KIRREL3: variants seen among roughly 807,000 people sequenced by gnomAD.
The protein encoded by KIRREL3 is kin of IRRE-like protein 3.
A neutral mutation model predicts 89.7 loss-of-function variants in KIRREL3; 36 were observed. That is an observed-to-expected ratio of 0.40 (90% CI 0.31 to 0.53). KIRREL3 has a LOEUF of 0.53. Among genes scored for constraint, KIRREL3 ranks in the 20% least tolerant of loss-of-function variants. KIRREL3 has a pLI of 0.49. For synonymous variants in KIRREL3, 445 were observed against 441.4 expected, an observed-to-expected ratio of 1.01 and a Z score of -0.10; for missense variants, 864 against 1,056.6, an observed-to-expected ratio of 0.82 and a Z score of 2.53.
chr11:126,799,358 G>A (rs1478787143), intron 1 of KIRREL3, among the ~76,000 whole-genome samples: 1 of 79,588 alleles, frequency 1.3e-5, no homozygotes, highest in Non-Finnish European at 2.7e-5. Flanking sequence ...ATCTCTGTGT[G>A]TATCTGTGTA....
intron 1 of KIRREL3, among the ~76,000 whole-genome samples, chr11:126,933,402 T>C (rs578248262): frequency 1.3e-5 from 2 of 151,904 alleles, no homozygotes; most frequent in African/African-American, 4.8e-5. Flanking sequence ...CTCCTTCAAG[T>C]CATCACGTTA....
rs371427055 is a variant in KIRREL3, at chr11:126,830,946, C to A, written c.55+169509G>T. Among the ~76,000 whole-genome samples the A allele has an allele frequency of 2.0e-5, 3 of 152,056 alleles. No homozygotes were observed. The highest frequency in any genetic ancestry group is 3.9e-4 in the East Asian group (2 of 5,190). ...TATGCCTTCATTGATGTGAATAATA[C>A]CACCCTGGGCATTACTATCACCCAG... On this transcript the variant is annotated intron_variant, in intron 1 of 16. Coordinates refer to ENST00000525144, the MANE Select transcript of KIRREL3 (RefSeq NM_032531.4). This position sits in a 1 kb window ranked among gnomAD's most constrained non-coding sequence, Gnocchi z 4.9.
At position 126,642,796 on chromosome 11, in the gene KIRREL3, G is replaced by A. The variant is rs889765129; in HGVS notation, c.56-79884C>T. On this transcript the variant is annotated intron_variant, in intron 1 of 16. Coordinates refer to ENST00000525144, the MANE Select transcript of KIRREL3 (RefSeq NM_032531.4). This position sits in a 1 kb window ranked among gnomAD's most constrained non-coding sequence, Gnocchi z 4.9. ...AGAATGTCTTTATGTCCCTTCAAGG[G>A]TTATGATTTTGTATGTGCAAAATTC... Among the ~76,000 whole-genome samples, 3 of 152,164 alleles carry A rather than the reference G, an allele frequency of 2.0e-5. No individual in the cohort carries two copies. The highest frequency in any genetic ancestry group is 4.4e-5 in the Non-Finnish European group (3 of 68,020).
chr11:126,619,423 G>A (rs971052172), intron 1 of KIRREL3, among the ~76,000 whole-genome samples: 3 of 152,234 alleles, frequency 2.0e-5, no homozygotes, highest in East Asian at 1.9e-4. Context: ...TATCCTAAGT[G>A]TGGTGGGATG....
At chr11:126,770,557 C>T (rs1023139519) in intron 1 of KIRREL3, among the ~76,000 whole-genome samples, 1 of 152,204 alleles carries the variant, frequency 6.6e-6, no homozygotes, top group African/African-American at 2.4e-5. Flanking sequence ...AGGCGAAGCA[C>T]ATCGTGCCTC....
intron 1 of KIRREL3, among the ~76,000 whole-genome samples, chr11:126,726,368 G>A (rs1254469028): frequency 6.6e-6 from 1 of 150,564 alleles, no homozygotes; most frequent in Non-Finnish European, 1.5e-5. Context: ...TACACAAGAT[G>A]CCTCCTTTTT....
chr11:126,719,178 T>C lies in KIRREL3; in HGVS notation c.56-156266A>G, dbSNP rs145587334. Among the ~76,000 whole-genome samples, 1 of 152,304 alleles carries C rather than the reference T, an allele frequency of 6.6e-6. No homozygotes were observed. Among genetic ancestry groups the C allele is most frequent in the East Asian group, 1.9e-4 (1 of 5,176 alleles). ...ATTCCGACACTCGGTAACCCACTTA[T>C]TCTGGTTTTGTCTCAAATCTAAAAA... On this transcript the variant is annotated intron_variant, in intron 1 of 16. Transcript: ENST00000525144. This position sits in a 1 kb window ranked among gnomAD's most constrained non-coding sequence, Gnocchi z 4.7.
At chr11:126,517,894 A>G (rs1958468543) in intron 4 of KIRREL3, among the ~76,000 whole-genome samples, 1 of 152,170 alleles carries the variant, frequency 6.6e-6, no homozygotes, top group Non-Finnish European at 1.5e-5. Context: ...CTCTAAGTCT[A>G]ATGCTGTTTC....
intron 7 of KIRREL3, among the ~76,000 whole-genome samples, chr11:126,451,808 C>T (rs1956184694): frequency 4.0e-5 from 1 of 25,110 alleles, no homozygotes; most frequent in African/African-American, 2.2e-4. Flanking sequence ...CTACTCTGAT[C>T]CCAACATTCT....
chr11:126,512,052 C>T (rs1023443556), intron 4 of KIRREL3, among the ~76,000 whole-genome samples: 1 of 152,224 alleles, frequency 6.6e-6, no homozygotes, highest in Non-Finnish European at 1.5e-5. Context: ...GCCCCTCCCT[C>T]AGTTGGCTCT....
rs1943825253 is a variant in KIRREL3 at position 126,837,622 on chromosome 11, A to C, written c.55+162833T>G. On this transcript the variant is annotated intron_variant, in intron 1 of 16. Transcript: ENST00000525144. The surrounding 1 kb of genome is among the most constrained non-coding windows in gnomAD (Gnocchi z 4.7). ...TCTGCTGTGAAAGTGTCACAGCAACACAGGGAATAATGACTCCATCTCCTC... is the reference window on the plus strand; with the variant it reads ...TCTGCTGTGAAAGTGTCACAGCAACCCAGGGAATAATGACTCCATCTCCTC... 6.6e-6 allele frequency among the ~76,000 whole-genome samples: 1 copy of C among 152,202 alleles called. No individual in the cohort carries two copies. Among genetic ancestry groups the C allele is most frequent in the South Asian group, 2.1e-4 (1 of 4,828 alleles).
In KIRREL3 at chr11:126,697,101, G is replaced by GC. The variant is rs1320334180; in HGVS notation, c.56-134190dup. Among the ~76,000 whole-genome samples the GC allele has an allele frequency of 1.3e-5, 2 of 152,192 alleles. No individual in the cohort carries two copies. Among genetic ancestry groups the GC allele is most frequent in the African/African-American group, 4.8e-5 (2 of 41,460 alleles). ...GCGACTCAGCCTCCTTCGGGCTGCGGCTTAGCATGTTCCCCTCAGCCTCCT... is the reference window on the plus strand; with the variant it reads ...GCGACTCAGCCTCCTTCGGGCTGCGGCCTTAGCATGTTCCCCTCAGCCTCCT... On this transcript the variant is annotated intron_variant, in intron 1 of 16. Coordinates refer to ENST00000525144, the MANE Select transcript of KIRREL3 (RefSeq NM_032531.4). This position sits in a 1 kb window ranked among gnomAD's most constrained non-coding sequence, Gnocchi z 4.2.
chr11:126,819,824 G>A (rs1374430439), intron 1 of KIRREL3, among the ~76,000 whole-genome samples: 1 of 152,176 alleles, frequency 6.6e-6, no homozygotes, highest in Non-Finnish European at 1.5e-5. Context: ...GCTCTTGATT[G>A]GTGAGCATCA....
In KIRREL3 at chr11:126,627,476, T is replaced by A. The variant is rs531082716; in HGVS notation, c.56-64564A>T. On this transcript the variant is annotated intron_variant, in intron 1 of 16. Transcript: ENST00000525144. This position sits in a 1 kb window ranked among gnomAD's most constrained non-coding sequence, Gnocchi z 5.0. ...CACCAAGTCTAGGGTGGTCACCTGG[T>A]GATGGGAACAAGCTTCTCCTTAATT... Among the ~76,000 whole-genome samples, 1 of 152,126 alleles carries A rather than the reference T, an allele frequency of 6.6e-6. No homozygotes were observed. Among genetic ancestry groups the A allele is most frequent in the Non-Finnish European group, 1.5e-5 (1 of 68,008 alleles).
chr11:126,846,814 T>C (rs189306386), intron 1 of KIRREL3, among the ~76,000 whole-genome samples: 1 of 152,302 alleles, frequency 6.6e-6, no homozygotes, highest in African/African-American at 2.4e-5. Context: ...TTAAGTTAGA[T>C]AAGATAAAAC....
intron 7 of KIRREL3, among the ~76,000 whole-genome samples, chr11:126,450,378 C>T (rs995223481): frequency 7.6e-6 from 1 of 131,974 alleles, no homozygotes; most frequent in African/African-American, 2.9e-5. Flanking sequence ...TGTGAGTGTG[C>T]ATGTGTGAGT....
At position 126,844,509 on chromosome 11, in the gene KIRREL3, G is replaced by A. The variant is rs1222126859; in HGVS notation, c.55+155946C>T. Among the ~76,000 whole-genome samples the A allele has an allele frequency of 6.6e-6, 1 of 152,136 alleles. No individual in the cohort carries two copies. The highest frequency in any genetic ancestry group is 2.4e-5 in the African/African-American group (1 of 41,426). On this transcript the variant is annotated intron_variant, in intron 1 of 16. Coordinates refer to ENST00000525144, the MANE Select transcript of KIRREL3 (RefSeq NM_032531.4). This position sits in a 1 kb window ranked among gnomAD's most constrained non-coding sequence, Gnocchi z 4.8. The stretch of plus-strand genomic sequence containing the variant: ...GGTACCCAGATAAAGGATGGGATTG[G>A]GTTAGGGGCCCAACTTAGGGCAGTT...
intron 4 of KIRREL3, among the ~76,000 whole-genome samples, chr11:126,473,720 G>A (rs1591599499): frequency 6.6e-6 from 1 of 152,346 alleles, no homozygotes; most frequent in East Asian, 1.9e-4. Context: ...AGGGGACAGG[G>A]CCAGCAGCCT....
intron 4 of KIRREL3, among the ~76,000 whole-genome samples, chr11:126,505,783 A>G (rs1324445420): frequency 6.6e-6 from 1 of 151,982 alleles, no homozygotes; most frequent in African/African-American, 2.4e-5. Flanking sequence ...GAACTAGAAA[A>G]CACTGCTGAG....
Sources: gnomAD v4.1 joint callset for allele counts (sites outside exome capture counted in the v4.1 genomes callset) on GRCh38, gnomAD v4.1.1 for gene constraint, Gnocchi (gnomAD v3.1) non-coding constraint, MANE v1.5 for transcripts, NCBI Gene and HGNC (gene_info 2026-07-23, HGNC 2026-07-21) for gene names.